Variants in RRAS2 observed in about 807,000 individuals in gnomAD.
RRAS2 encodes the protein RAS related 2.
Under a neutral mutation model 27.6 loss-of-function variants are expected in RRAS2, and 7 were observed. That is an observed-to-expected ratio of 0.25 (90% CI 0.14 to 0.48). RRAS2 has a LOEUF of 0.48. RRAS2 is among the 20% of genes least tolerant of loss of function. RRAS2 has a pLI of 0.99. For synonymous variants in RRAS2, 86 were observed against 90.9 expected (o/e 0.95, Z 0.31); for missense variants, 178 against 256.2 (o/e 0.69, Z 2.08).
At chr11:14,338,513 A>G (rs573701591) in intron 1 of RRAS2, among the ~76,000 whole-genome samples, 2 of 152,322 alleles carry the variant, frequency 1.3e-5, no homozygotes, top group African/African-American at 4.8e-5. Flanking sequence ...AATTCTGTTC[A>G]TGAAACAAAG....
chr11:14,312,551 C>G (rs1199583311), intron 1 of RRAS2, among the ~76,000 whole-genome samples: 1 of 152,152 alleles, frequency 6.6e-6, no homozygotes, highest in Non-Finnish European at 1.5e-5. Flanking sequence ...TCCTGAGTAG[C>G]TGGGACTGTA....
intron 1 of RRAS2, among the ~76,000 whole-genome samples, chr11:14,306,019 T>C (rs1366584090): frequency 7.9e-5 from 12 of 152,088 alleles, no homozygotes. Flanking sequence ...CATTCCAACC[T>C]GGGCTACAGA....
At chr11:14,329,075 A>ACC in intron 1 of RRAS2, among the ~76,000 whole-genome samples, 1 of 133,398 alleles carries the variant, frequency 7.5e-6, no homozygotes, top group South Asian at 2.3e-4. Context: ...ACATACACAC[A>ACC]CACACACACA....
In RRAS2 at chr11:14,296,111, T is replaced by C. The variant is rs771758345; in HGVS notation, c.109-256A>G. On this transcript the variant is annotated intron_variant, in intron 1 of 5. Transcript: ENST00000256196. ...GGGAGGATCACTTGAGCCCAGGTGG[T>C]TGGGGCTGCAATGAACCATGATTGT... Among the ~76,000 whole-genome samples, 151 of 152,104 alleles carry C rather than the reference T, an allele frequency of 9.9e-4. 2 individuals are homozygous for C. Among genetic ancestry groups the C allele is most frequent in the Non-Finnish European group, 1.6e-3 (107 of 67,986 alleles).
chr11:14,298,974 C>T (rs1847628229), intron 1 of RRAS2, among the ~76,000 whole-genome samples: 1 of 152,158 alleles, frequency 6.6e-6, no homozygotes, highest in Non-Finnish European at 1.5e-5. Flanking sequence ...GATGAAGTGT[C>T]GTGGGTTTAA....
At chr11:14,356,827 A>G in intron 1 of RRAS2, 1 of 425,582 alleles carries the variant, frequency 2.3e-6, no homozygotes, top group South Asian at 1.7e-5. Context: ...TTTGAGGCAG[A>G]GTCTCGCTCT....
intron 4 of RRAS2, among the ~76,000 whole-genome samples, chr11:14,288,112 T>C (rs1207787024): frequency 2.0e-5 from 3 of 152,166 alleles, no homozygotes; most frequent in Non-Finnish European, 4.4e-5. Flanking sequence ...TCTTGAGTAG[T>C]TGGGACTACA....
intron 2 of RRAS2, 56 bp from the exon 3 acceptor site, chr11:14,294,918 C>G (rs2133962104): frequency 2.0e-6 from 3 of 1,475,596 alleles, no homozygotes; most frequent in Middle Eastern, 1.8e-4. Context: ...TGCTTCCCCA[C>G]AAGGGCAAGA....
chr11:14,328,234 T>C (rs1375117092), intron 1 of RRAS2, among the ~76,000 whole-genome samples: 2 of 151,698 alleles, frequency 1.3e-5, no homozygotes, highest in African/African-American at 2.4e-5. Flanking sequence ...GGTGTGGTGG[T>C]GCATGCCTGT....
chr11:14,356,801 C>CT (rs34757328), intron 1 of RRAS2: 23,308 of 370,442 alleles, frequency 0.063, 268 homozygotes, highest in African/African-American at 0.1. Flanking sequence ...GCAATTAATG[C>CT]TTTTTTTTTT....
chr11:14,290,393 G>C (rs190357957), intron 4 of RRAS2, among the ~76,000 whole-genome samples: 366 of 152,348 alleles, frequency 2.4e-3, no homozygotes, highest in African/African-American at 8.5e-3. Context: ...ATGTTGCAGT[G>C]AGCGGAGATC....
chr11:14,300,583 C>T (rs1847672375), intron 1 of RRAS2, among the ~76,000 whole-genome samples: 1 of 151,982 alleles, frequency 6.6e-6, no homozygotes, highest in South Asian at 2.1e-4. Context: ...CTGTTTCCAC[C>T]CCCGCCTCAA....
chr11:14,301,100 T>A (rs1000453543), intron 1 of RRAS2, among the ~76,000 whole-genome samples: 1 of 152,036 alleles, frequency 6.6e-6, no homozygotes, highest in Non-Finnish European at 1.5e-5. Flanking sequence ...TCGTAGGAGT[T>A]CTCTAAAACC....
intron 1 of RRAS2, chr11:14,356,627 A>T (rs1849078561): frequency 3.8e-5 from 11 of 292,190 alleles, no homozygotes; most frequent in South Asian, 3.3e-4. Flanking sequence ...CACATGCTCA[A>T]GTCTGTAAGA....
intron 4 of RRAS2, among the ~76,000 whole-genome samples, chr11:14,291,966 C>A (rs1554945851): frequency 6.6e-6 from 1 of 152,174 alleles, no homozygotes; most frequent in East Asian, 1.9e-4. Context: ...TTTATATACA[C>A]TTTACACACA....
intron 1 of RRAS2, among the ~76,000 whole-genome samples, chr11:14,348,940 T>A (rs1334312738): frequency 6.6e-6 from 1 of 152,142 alleles, no homozygotes; most frequent in East Asian, 1.9e-4. Flanking sequence ...CATAATGAGA[T>A]CTATTTCTAT....
At chr11:14,301,037 G>A (rs1847687824) in intron 1 of RRAS2, among the ~76,000 whole-genome samples, 1 of 152,164 alleles carries the variant, frequency 6.6e-6, no homozygotes, top group Non-Finnish European at 1.5e-5. Context: ...TACCACTGGG[G>A]AGTTGTAAAC....
chr11:14,331,367 T>C lies in RRAS2; in HGVS notation c.108+27396A>G, dbSNP rs536419493. The stretch of plus-strand genomic sequence containing the variant: ...AACAAAAACAAAGAGGATCCATTTC[T>C]ACAGATATCAAAACAGCATCTGGTA... On this transcript the variant is annotated intron_variant, in intron 1 of 5. Transcript: ENST00000256196. 1.2e-4 allele frequency among the ~76,000 whole-genome samples: 19 copies of C among 152,296 alleles called. No homozygotes were observed. The South Asian group carries it at 3.9e-3, about 32-fold the overall frequency.
chr11:14,351,894 C>CA (rs35089298), intron 1 of RRAS2, among the ~76,000 whole-genome samples: 56,437 of 113,100 alleles, frequency 0.5, 13,529 homozygotes, highest in Non-Finnish European at 0.56. Context: ...GACTCCGTCT[C>CA]AAAAAAAAAA....
Sources: allele counts gnomAD v4.1 joint callset (sites outside exome capture counted in the v4.1 genomes callset), GRCh38; gene constraint gnomAD v4.1.1; transcripts MANE v1.5; gene names NCBI Gene and HGNC (gene_info 2026-07-23, HGNC 2026-07-21).